The following PPP2R2B variants were observed in gnomAD, a reference collection of about 807,000 sequenced individuals.
The protein encoded by PPP2R2B is protein phosphatase 2 regulatory subunit Bbeta.
A neutral mutation model predicts 46.0 loss-of-function variants in PPP2R2B; 5 were observed. That is an observed-to-expected ratio of 0.11 (90% CI 0.06 to 0.23). The LOEUF (loss-of-function observed/expected upper bound fraction) is 0.23. PPP2R2B is among the 10% of genes least tolerant of loss of function. The pLI, the probability that PPP2R2B is intolerant of heterozygous loss-of-function variation, is 1.00. For missense variants in PPP2R2B, 367 were observed against 575.0 expected, an observed-to-expected ratio of 0.64 and a Z score of 3.70; for synonymous variants, 215 against 206.7, an observed-to-expected ratio of 1.04 and a Z score of -0.34.
chr5:146,714,450 C>T (rs1303369481), intron 2 of PPP2R2B, among the ~76,000 whole-genome samples: 1 of 151,776 alleles, frequency 6.6e-6, no homozygotes, highest in African/African-American at 2.4e-5. Flanking sequence ...AGTACTTTCA[C>T]AGTGTCATAG....
At chr5:146,813,145 A>G (rs1757731610) in intron 2 of PPP2R2B, among the ~76,000 whole-genome samples, 4 of 151,624 alleles carry the variant, frequency 2.6e-5, no homozygotes, top group South Asian at 2.1e-4. Context: ...GTGTGTGTGT[A>G]TATATATGTA....
At chr5:146,707,325 C>T in intron 2 of PPP2R2B, 2 of 1,011,030 alleles carry the variant, frequency 2.0e-6, no homozygotes, top group Non-Finnish European at 3.1e-6. Context: ...TGTTGAAGGT[C>T]TTGATCTGCT....
At chr5:146,805,902 G>C (rs1345163663) in intron 2 of PPP2R2B, among the ~76,000 whole-genome samples, 1 of 152,144 alleles carries the variant, frequency 6.6e-6, no homozygotes, top group Non-Finnish European at 1.5e-5. Context: ...TGACTTCCTA[G>C]TTCTTATTTA....
chr5:146,695,454 T>C (rs1426204357), intron 4 of PPP2R2B, among the ~76,000 whole-genome samples: 1 of 152,208 alleles, frequency 6.6e-6, no homozygotes, highest in African/African-American at 2.4e-5. Flanking sequence ...ATGTTGGTTT[T>C]ATTTTTTATT....
At chr5:146,794,477 G>C (rs1392894712) in intron 2 of PPP2R2B, among the ~76,000 whole-genome samples, 1 of 152,192 alleles carries the variant, frequency 6.6e-6, no homozygotes, top group Non-Finnish European at 1.5e-5. Flanking sequence ...GCTAACAAGT[G>C]ACTGTACTTA....
intron 1 of PPP2R2B, among the ~76,000 whole-genome samples, chr5:146,913,905 T>C (rs1763280918): frequency 6.6e-6 from 1 of 152,240 alleles, no homozygotes; most frequent in African/African-American, 2.4e-5. Flanking sequence ...ACTTACTACT[T>C]ACGTGGTCTT....
At chr5:146,591,664 A>ATTATT (rs1770674673) in intron 9 of PPP2R2B, among the ~76,000 whole-genome samples, 1 of 141,568 alleles carries the variant, frequency 7.1e-6, no homozygotes, top group African/African-American at 2.8e-5. Context: ...CAAGTAAGAG[A>ATTATT]TTATTTTCCA....
At chr5:146,806,194 T>A (rs1300376585) in intron 2 of PPP2R2B, among the ~76,000 whole-genome samples, 2 of 152,190 alleles carry the variant, frequency 1.3e-5, no homozygotes, top group Non-Finnish European at 2.9e-5. Flanking sequence ...AACACGCCTT[T>A]ATGCAAGGTC....
At position 146,878,657 on chromosome 5, in the gene PPP2R2B, CGGGGAGCTGGGCA is replaced by C; in HGVS notation, c.-204_-192del. 1 of 1,262,798 alleles carries C rather than the reference CGGGGAGCTGGGCA, an allele frequency of 7.9e-7. No individual in the cohort carries two copies. The highest frequency in any genetic ancestry group is 1.0e-6 in the Non-Finnish European group (1 of 974,598). 78.2% of individuals were successfully genotyped at this position (1,262,798 alleles called of 1,614,324 possible). ...CGGCAGGCGGGGGTAGGGAAGCTGG[CGGGGAGCTGGGCA>C]GGGCGCTGCAGCCGGCGCCAGCGCA... is the stretch of plus-strand genomic sequence containing the variant. On this transcript the variant is annotated 5_prime_UTR_variant, in exon 1 of 10. Transcript: ENST00000394411. This position sits in a 1 kb window ranked among gnomAD's most constrained non-coding sequence, Gnocchi z 4.5.
chr5:146,762,182 A>G (rs1459682319), intron 2 of PPP2R2B, among the ~76,000 whole-genome samples: 1 of 152,250 alleles, frequency 6.6e-6, no homozygotes, highest in African/African-American at 2.4e-5. Flanking sequence ...GAAAAAAGTT[A>G]CTGATATTGG....
At chr5:146,765,774 A>T (rs1754439807) in intron 2 of PPP2R2B, among the ~76,000 whole-genome samples, 2 of 152,192 alleles carry the variant, frequency 1.3e-5, no homozygotes. Context: ...TAAACTTAAT[A>T]TCATAGGAGC....
intron 2 of PPP2R2B, among the ~76,000 whole-genome samples, chr5:146,830,114 T>G (rs1185825272): frequency 6.6e-6 from 1 of 152,188 alleles, no homozygotes; most frequent in African/African-American, 2.4e-5. Context: ...TTTTTGTTAT[T>G]TATTTACATT....
At chr5:146,826,336 T>A (rs533399183) in intron 2 of PPP2R2B, among the ~76,000 whole-genome samples, 23 of 152,304 alleles carry the variant, frequency 1.5e-4, no homozygotes, top group African/African-American at 5.0e-4. Flanking sequence ...AGGTATAGGT[T>A]AAATTAGGAG....
At chr5:146,675,726 AG>A (rs1777665947) in intron 5 of PPP2R2B, among the ~76,000 whole-genome samples, 1 of 152,094 alleles carries the variant, frequency 6.6e-6, no homozygotes, top group Non-Finnish European at 1.5e-5. Flanking sequence ...CATGGGGCTC[AG>A]TTTTCTTTGC....
rs1457582149 is a variant in PPP2R2B at position 147,020,005 on chromosome 5, TC to T, written c.79+35659del. Among the ~76,000 whole-genome samples, 15 of 152,228 alleles carry T rather than the reference TC, an allele frequency of 9.9e-5. No individual in the cohort carries two copies. The Middle Eastern group carries it at 0.01, about 104-fold the overall frequency. ...TAGAAGGCAGTCTTTGCTCTGGGCCTCCCTATTAACCTGGCCTAGATGTTCT... is the reference window on the plus strand; with the variant it reads ...TAGAAGGCAGTCTTTGCTCTGGGCCTCCTATTAACCTGGCCTAGATGTTCT... On this transcript the variant is annotated intron_variant, in intron 1 of 8. Coordinates refer to the PPP2R2B transcript ENST00000336640.
chr5:146,680,563 C>T (rs903098871), intron 5 of PPP2R2B, among the ~76,000 whole-genome samples: 1 of 150,026 alleles, frequency 6.7e-6, no homozygotes, highest in African/African-American at 2.5e-5. Flanking sequence ...ATAAAAAAAA[C>T]CACAGCGTTG....
intron 2 of PPP2R2B, among the ~76,000 whole-genome samples, chr5:146,705,625 G>T (rs76206792): frequency 0.014 from 2,178 of 152,222 alleles, 54 homozygotes; most frequent in African/African-American, 0.049. Flanking sequence ...TTGGGTCCTG[G>T]ATCACGGTCC....
intron 7 of PPP2R2B, among the ~76,000 whole-genome samples, chr5:146,628,027 C>T (rs1394305005): frequency 6.6e-6 from 1 of 152,046 alleles, no homozygotes; most frequent in Non-Finnish European, 1.5e-5. Context: ...TCACCGCAAC[C>T]TCCACCTCCT....
chr5:146,867,915 C>T (rs1761401950), intron 2 of PPP2R2B, among the ~76,000 whole-genome samples: 1 of 152,174 alleles, frequency 6.6e-6, no homozygotes, highest in African/African-American at 2.4e-5. Flanking sequence ...GAAATTGGGG[C>T]CTTCCTGGTT....
Sources: gnomAD v4.1 joint callset for allele counts (sites outside exome capture counted in the v4.1 genomes callset) on GRCh38, gnomAD v4.1.1 for gene constraint, Gnocchi (gnomAD v3.1) non-coding constraint, MANE v1.5 for transcripts, NCBI Gene and HGNC (gene_info 2026-07-23, HGNC 2026-07-21) for gene names.